The following AKAP6 variants were observed in gnomAD, a reference collection of about 807,000 sequenced individuals.
The protein encoded by AKAP6 is A-kinase anchor protein 6.
In AKAP6, 58 loss-of-function variants were observed where a neutral mutation model predicts 188.5. The observed-to-expected ratio is 0.31, with a 90% CI of 0.25 to 0.38. The LOEUF is 0.38. Ranked by LOEUF, AKAP6 falls within the 10% of genes least tolerant of loss-of-function variation. The pLI, the probability that AKAP6 is intolerant of heterozygous loss-of-function variation, is 1.00. For missense variants in AKAP6, 2,710 were observed against 2,740.0 expected (o/e 0.99, Z 0.24); for synonymous variants, 989 against 998.6 (o/e 0.99, Z 0.18).
chr14:32,467,628 G>A (rs1878536816), intron 2 of AKAP6, among the ~76,000 whole-genome samples: 1 of 151,858 alleles, frequency 6.6e-6, no homozygotes, highest in Non-Finnish European at 1.5e-5. Context: ...ACACTATCTT[G>A]TCTCTGCTTG....
chr14:32,382,967 T>C (rs559630159), intron 1 of AKAP6, among the ~76,000 whole-genome samples: 1 of 152,190 alleles, frequency 6.6e-6, no homozygotes, highest in South Asian at 2.1e-4. Context: ...AGCTTCAAAA[T>C]TCCTATATCA....
intron 5 of AKAP6, among the ~76,000 whole-genome samples, chr14:32,595,829 G>A (rs976150389): frequency 6.6e-6 from 1 of 152,020 alleles, no homozygotes; most frequent in African/African-American, 2.4e-5. Flanking sequence ...TTTATTCTAC[G>A]CTGGGTCTTA....
chr14:32,338,530 G>T (rs909669507), intron 1 of AKAP6, among the ~76,000 whole-genome samples: 2 of 152,106 alleles, frequency 1.3e-5, no homozygotes, highest in Admixed American at 1.3e-4. Flanking sequence ...AGAGATTAGT[G>T]GTAGGGAAGG....
intron 2 of AKAP6, among the ~76,000 whole-genome samples, chr14:32,488,923 G>A (rs1879849807): frequency 6.6e-6 from 1 of 152,152 alleles, no homozygotes; most frequent in Non-Finnish European, 1.5e-5. Context: ...CGTTGGTCTT[G>A]CTGGGCACTA....
At chr14:32,552,146 A>G (rs10137267) in intron 4 of AKAP6, among the ~76,000 whole-genome samples, 2,742 of 152,320 alleles carry the variant, frequency 0.018, 71 homozygotes, top group African/African-American at 0.059. Flanking sequence ...AGACTACTGA[A>G]TGACTGAATC....
At chr14:32,807,391 G>T (rs2034118668) in intron 12 of AKAP6, among the ~76,000 whole-genome samples, 1 of 151,618 alleles carries the variant, frequency 6.6e-6, no homozygotes, top group Non-Finnish European at 1.5e-5. Context: ...ATGCCTTAAA[G>T]TCAGGGTAAT....
intron 12 of AKAP6, among the ~76,000 whole-genome samples, chr14:32,787,964 C>T (rs2033475705): frequency 6.7e-6 from 1 of 149,126 alleles, no homozygotes; most frequent in African/African-American, 2.5e-5. Flanking sequence ...CTGCTTGAGC[C>T]CAGGAGTTCA....
intron 9 of AKAP6, among the ~76,000 whole-genome samples, chr14:32,723,277 C>G (rs2030651659): frequency 6.6e-6 from 1 of 152,084 alleles, no homozygotes; most frequent in East Asian, 1.9e-4. Context: ...CAGTTTAAAA[C>G]TTTTTATCAT....
intron 2 of AKAP6, among the ~76,000 whole-genome samples, chr14:32,509,553 A>C (rs1344841826): frequency 6.6e-6 from 1 of 152,142 alleles, no homozygotes; most frequent in Non-Finnish European, 1.5e-5. Flanking sequence ...AAAAAGTTTA[A>C]AAAAATCCTT....
At chr14:32,575,071 A>G (rs1265152249) in intron 4 of AKAP6, among the ~76,000 whole-genome samples, 1 of 152,172 alleles carries the variant, frequency 6.6e-6, no homozygotes, top group Non-Finnish European at 1.5e-5. Flanking sequence ...AGTTTAGGAA[A>G]TAACATTTTG....
At chr14:32,570,323 T>C (rs200921777) in intron 4 of AKAP6, among the ~76,000 whole-genome samples, 2 of 105,948 alleles carry the variant, frequency 1.9e-5, no homozygotes, top group Admixed American at 1.0e-4. Context: ...TTTTTTTTTT[T>C]AGCAGAGACA....
At chr14:32,730,564 G>T (rs538674326) in intron 9 of AKAP6, among the ~76,000 whole-genome samples, 4 of 152,196 alleles carry the variant, frequency 2.6e-5, no homozygotes, top group African/African-American at 7.2e-5. Context: ...GGTGAAGAGG[G>T]GGGGATGAGC....
chr14:32,652,635 T>C (rs1255960266), intron 7 of AKAP6, among the ~76,000 whole-genome samples: 1 of 152,216 alleles, frequency 6.6e-6, no homozygotes, highest in Non-Finnish European at 1.5e-5. Context: ...ATTTTTCATT[T>C]CCAGCCAGGA....
intron 2 of AKAP6, among the ~76,000 whole-genome samples, chr14:32,516,072 A>C (rs1881505270): frequency 6.6e-6 from 1 of 152,216 alleles, no homozygotes; most frequent in Admixed American, 6.5e-5. Context: ...GGAAAGAAAA[A>C]CAAAAGAGTG....
At chr14:32,378,202 A>G (rs1888223529) in intron 1 of AKAP6, among the ~76,000 whole-genome samples, 1 of 152,196 alleles carries the variant, frequency 6.6e-6, no homozygotes, top group South Asian at 2.1e-4. Context: ...ATAGGGGAAA[A>G]AACTAACATT....
At chr14:32,660,906 T>C (rs985418497) in intron 7 of AKAP6, among the ~76,000 whole-genome samples, 3 of 145,006 alleles carry the variant, frequency 2.1e-5, no homozygotes, top group South Asian at 2.3e-4. Flanking sequence ...TCTAGCTCTA[T>C]ATATTTTCTT....
chr14:32,658,113 T>A (rs1888529080), intron 7 of AKAP6, among the ~76,000 whole-genome samples: 1 of 152,076 alleles, frequency 6.6e-6, no homozygotes, highest in African/African-American at 2.4e-5. Flanking sequence ...CTTTCTTTGA[T>A]CCCTGAGAAA....
chr14:32,730,099 A>C (rs553882185), intron 9 of AKAP6, among the ~76,000 whole-genome samples: 1 of 152,210 alleles, frequency 6.6e-6, no homozygotes, highest in Non-Finnish European at 1.5e-5. Flanking sequence ...TTACACATAC[A>C]GCTTGAGCCC....
chr14:32,630,657 T>A (rs7160301), intron 7 of AKAP6, among the ~76,000 whole-genome samples: 35,071 of 151,952 alleles, frequency 0.23, 4,718 homozygotes, highest in South Asian at 0.37. Context: ...TTCTTTGAAA[T>A]TTGAGGTAAA....
Sources: gnomAD v4.1 joint callset for allele counts (sites outside exome capture counted in the v4.1 genomes callset) on GRCh38, gnomAD v4.1.1 for gene constraint, MANE v1.5 for transcripts, NCBI Gene and HGNC (gene_info 2026-07-23, HGNC 2026-07-21) for gene names.